Variants in THRB observed in about 807,000 individuals in gnomAD.
The protein encoded by THRB is thyroid hormone receptor beta, also known as nuclear receptor subfamily 1 group A member 2.
Under a neutral mutation model 47.8 loss-of-function variants are expected in THRB, and 12 were observed. That is an observed-to-expected ratio of 0.25 (90% CI 0.16 to 0.41). The LOEUF (loss-of-function observed/expected upper bound fraction) is 0.41, where lower values mean the gene tolerates loss of function less well. Among genes scored for constraint, THRB ranks in the 10% least tolerant of loss-of-function variants. THRB has a pLI of 1.00. For missense variants in THRB, 348 were observed against 589.2 expected (o/e 0.59, Z 4.24); for synonymous variants, 218 against 212.2 (o/e 1.03, Z -0.24).
At chr3:24,425,374 T>C (rs2069654413) in intron 1 of THRB, among the ~76,000 whole-genome samples, 1 of 151,970 alleles carries the variant, frequency 6.6e-6, no homozygotes, top group African/African-American at 2.4e-5. Flanking sequence ...GTGTTTTTGT[T>C]TAATGCCTAT....
intron 1 of THRB, chr3:24,455,254 G>A (rs1475962168): frequency 1.3e-5 from 2 of 151,584 alleles, no homozygotes; most frequent in Non-Finnish European, 2.9e-5. Context: ...AGAGATGGAA[G>A]CCTCCTAGGT....
chr3:24,212,657 G>A (rs1190766523), intron 4 of THRB, among the ~76,000 whole-genome samples: 1 of 151,634 alleles, frequency 6.6e-6, no homozygotes, highest in African/African-American at 2.4e-5. Flanking sequence ...GCCACTTGGA[G>A]AGTTACAGGC....
At chr3:24,228,636 G>A (rs7642704) in intron 4 of THRB, among the ~76,000 whole-genome samples, 19,800 of 82,916 alleles carry the variant, frequency 0.24, 1,260 homozygotes, top group African/African-American at 0.32. Context: ...ATGTCTCAAA[G>A]AAAAAAAAAA....
In THRB at chr3:24,127,647, C is replaced by A. The variant is rs758047153; in HGVS notation, c.996G>T (p.Gly332=). 2 of 1,614,052 alleles carry A rather than the reference C, an allele frequency of 1.2e-6. No individual in the cohort carries two copies. Among genetic ancestry groups the A allele is most frequent in the Non-Finnish European group, 1.7e-6 (2 of 1,180,038 alleles). Residue 332 remains glycine, a synonymous_variant, in exon 10 of 11, where the codon GGG becomes GGT. Coordinates refer to ENST00000646209, the MANE Select transcript of THRB (RefSeq NM_001354712.2). ...GCTGGCCCCGTGTCACTGCCATTTC[C>A]CCATTCAAGGTTAAAGTCTCACTTT... ...DPESETLTLN[G]EMAVTRGQLK...
At chr3:24,221,594 G>T (rs565074527) in intron 4 of THRB, among the ~76,000 whole-genome samples, 1 of 152,100 alleles carries the variant, frequency 6.6e-6, no homozygotes, top group Non-Finnish European at 1.5e-5. Context: ...CTTTGTAAAG[G>T]GTGCCTTCTG....
intron 1 of THRB, among the ~76,000 whole-genome samples, chr3:24,373,463 G>C (rs1197606889): frequency 6.6e-6 from 1 of 152,030 alleles, no homozygotes; most frequent in African/African-American, 2.4e-5. Context: ...ACATCTTGGA[G>C]GCCAGCCATG....
chr3:24,190,465 A>G, intron 4 of THRB, 131 bp from the exon 5 acceptor site: 3 of 1,172,810 alleles, frequency 2.6e-6, no homozygotes, highest in Non-Finnish European at 3.8e-6. Flanking sequence ...ACTTGACGGG[A>G]GTGATAAGAT....
intron 1 of THRB, among the ~76,000 whole-genome samples, chr3:24,405,991 T>C (rs544075379): frequency 6.6e-6 from 1 of 151,796 alleles, no homozygotes; most frequent in East Asian, 1.9e-4. Flanking sequence ...TAATGTGATA[T>C]GTGTTTTTTG....
rs1473277342 is a variant in THRB, at chr3:24,121,017, AATT to A, written c.*1864_*1866del. 2.0e-5 allele frequency: 3 copies of A among 152,170 alleles called. No homozygotes were observed. The highest frequency in any genetic ancestry group is 4.4e-5 in the Non-Finnish European group (3 of 68,048). The allele number at this position is 152,170 out of a possible 1,614,324, so 9.4% of individuals were successfully genotyped here. A position where few individuals can be genotyped will look rare whatever the true frequency, so the allele number is the denominator to read the frequency against. ...TAAATGGTTGACTAGTATTGTGTCA[AATT>A]ATTATTTCGAGCCAATAACAAATTT... On this transcript the variant is annotated 3_prime_UTR_variant, in exon 11 of 11. Transcript: ENST00000646209.
At chr3:24,151,833 C>A (rs1340825352) in intron 6 of THRB, among the ~76,000 whole-genome samples, 1 of 152,162 alleles carries the variant, frequency 6.6e-6, no homozygotes, top group African/African-American at 2.4e-5. Flanking sequence ...CGATGGATGA[C>A]CAGAATCTAC....
chr3:24,456,740 A>AT (rs2073206105), intron 1 of THRB, among the ~76,000 whole-genome samples: 1 of 151,868 alleles, frequency 6.6e-6, no homozygotes, highest in Non-Finnish European at 1.5e-5. Flanking sequence ...TTATCTGATA[A>AT]TATAAGATAG....
At chr3:24,323,300 G>C (rs1447826435) in intron 2 of THRB, among the ~76,000 whole-genome samples, 1 of 151,434 alleles carries the variant, frequency 6.6e-6, no homozygotes, top group Non-Finnish European at 1.5e-5. Flanking sequence ...AATGGCAACT[G>C]CTCCCCAAGC....
At chr3:24,174,809 C>T (rs2683535) in intron 5 of THRB, among the ~76,000 whole-genome samples, 113,401 of 152,124 alleles carry the variant, frequency 0.75, 43,458 homozygotes, top group African/African-American at 0.94. Flanking sequence ...TGCTTGTAGA[C>T]ATGACTGTTC....
chr3:24,387,448 T>C (rs2066213485), intron 1 of THRB, among the ~76,000 whole-genome samples: 1 of 152,170 alleles, frequency 6.6e-6, no homozygotes, highest in African/African-American at 2.4e-5. Context: ...AGTATTATAA[T>C]TGTTTCTAAC....
At chr3:24,279,396 T>G (rs1189406977) in intron 3 of THRB, among the ~76,000 whole-genome samples, 3 of 152,012 alleles carry the variant, frequency 2.0e-5, no homozygotes, top group Non-Finnish European at 4.4e-5. Flanking sequence ...CTTTTTTCTT[T>G]TTTTTGAGAC....
intron 8 of THRB, among the ~76,000 whole-genome samples, chr3:24,138,723 A>G (rs193226963): frequency 1.2e-4 from 19 of 152,282 alleles, no homozygotes; most frequent in African/African-American, 4.3e-4. Context: ...ATGCACACAG[A>G]CCAAATATGG....
intron 10 of THRB, among the ~76,000 whole-genome samples, chr3:24,127,218 C>T (rs1232597635): frequency 9.9e-5 from 15 of 152,274 alleles, no homozygotes; most frequent in African/African-American, 1.7e-4. Context: ...CCAAAGACTA[C>T]GAAGAGGGCT....
chr3:24,173,349 C>T (rs951396069), intron 5 of THRB, among the ~76,000 whole-genome samples: 1 of 152,108 alleles, frequency 6.6e-6, no homozygotes, highest in African/African-American at 2.4e-5. Flanking sequence ...TGACTTTGTC[C>T]TTGATCTAAA....
At chr3:24,142,445 G>C (rs1162478077) in intron 8 of THRB, among the ~76,000 whole-genome samples, 1 of 152,136 alleles carries the variant, frequency 6.6e-6, no homozygotes, top group Non-Finnish European at 1.5e-5. Context: ...CTTCCTTTAA[G>C]GTTGTTGTTA....
Sources: gnomAD v4.1 joint callset for allele counts (sites outside exome capture counted in the v4.1 genomes callset) on GRCh38, gnomAD v4.1.1 for gene constraint, MANE v1.5 for transcripts, NCBI Gene and HGNC (gene_info 2026-07-23, HGNC 2026-07-21) for gene names.